ME3: variants seen among roughly 807,000 people sequenced by gnomAD.
ME3 encodes malic enzyme 3.
In ME3, 48 loss-of-function variants were observed where a neutral mutation model predicts 68.9. The ratio of observed to expected loss-of-function variants is 0.70; its 90% CI spans 0.55 to 0.89. The LOEUF is 0.89. Ranked by LOEUF, ME3 falls within the 40% of genes least tolerant of loss-of-function variation. ME3 has a pLI of 0.00. For missense variants in ME3, 675 were observed against 797.4 expected, an observed-to-expected ratio of 0.85 and a Z score of 1.85; for synonymous variants, 320 against 318.8, an observed-to-expected ratio of 1.00 and a Z score of -0.04.
chr11:86,453,405 GC>G (rs1329506534), intron 8 of ME3, among the ~76,000 whole-genome samples: 10 of 152,164 alleles, frequency 6.6e-5, no homozygotes, highest in African/African-American at 2.2e-4. Context: ...TTGTTTATTA[GC>G]TTCTTTACAC....
chr11:86,477,162 C>T (rs2138843373), intron 7 of ME3, among the ~76,000 whole-genome samples: 1 of 152,258 alleles, frequency 6.6e-6, no homozygotes, highest in Middle Eastern at 3.4e-3. Context: ...GAAACTGAGG[C>T]ACAGATGAAT....
chr11:86,648,447 C>G (rs1489975570), intron 2 of ME3, among the ~76,000 whole-genome samples: 1 of 151,184 alleles, frequency 6.6e-6, no homozygotes, highest in Non-Finnish European at 1.5e-5. Context: ...AATTCAAAAG[C>G]TAGCAGAAGA....
At chr11:86,546,483 A>G (rs1956365881) in intron 4 of ME3, among the ~76,000 whole-genome samples, 2 of 152,168 alleles carry the variant, frequency 1.3e-5, no homozygotes, top group South Asian at 4.1e-4. Context: ...TAAACAGACA[A>G]CCCCATCAAA....
intron 2 of ME3, among the ~76,000 whole-genome samples, chr11:86,646,115 T>C (rs545580825): frequency 1.2e-3 from 184 of 152,236 alleles, no homozygotes; most frequent in African/African-American, 4.2e-3. Context: ...GCAAAAAGGC[T>C]GAAAATGCCA....
At chr11:86,436,260 C>T (rs1167242304), downstream of ME3, 1 of 152,110 alleles carries the variant, frequency 6.6e-6, no homozygotes, top group Non-Finnish European at 1.5e-5. Flanking sequence ...TTTCTTATTA[C>T]TAATAATGTT....
chr11:86,441,207 T>G, exon 15 of ME3: 1 of 1,338,748 alleles, frequency 7.5e-7, no homozygotes, highest in Non-Finnish European at 9.8e-7. Flanking sequence ...ACTTGGGCCA[T>G]TTTGGAACCC....
chr11:86,537,246 C>T (rs1362581104), intron 4 of ME3, among the ~76,000 whole-genome samples: 3 of 151,396 alleles, frequency 2.0e-5, no homozygotes, highest in East Asian at 3.9e-4. Context: ...TGTAACTAAC[C>T]TGCACAATGT....
intron 2 of ME3, among the ~76,000 whole-genome samples, chr11:86,569,496 C>T (rs1957672961): frequency 6.6e-6 from 1 of 152,170 alleles, no homozygotes; most frequent in South Asian, 2.1e-4. Context: ...CAGTGTCACA[C>T]AGTTTAGCAC....
chr11:86,574,831 ACT>A (rs898903434), intron 2 of ME3, among the ~76,000 whole-genome samples: 33 of 152,094 alleles, frequency 2.2e-4, no homozygotes, highest in African/African-American at 7.7e-4. Context: ...AAGTCAAAAA[ACT>A]CTGTAAAACA....
intron 4 of ME3, among the ~76,000 whole-genome samples, chr11:86,522,648 G>GTGTT (rs1954411259): frequency 1.3e-5 from 2 of 152,034 alleles, no homozygotes; most frequent in South Asian, 4.2e-4. Context: ...TTCTGTTTCT[G>GTGTT]TGTTAGTTTG....
chr11:86,602,385 T>C (rs1311468047), intron 2 of ME3, among the ~76,000 whole-genome samples: 1 of 152,030 alleles, frequency 6.6e-6, no homozygotes, highest in Non-Finnish European at 1.5e-5. Context: ...TACTTATGAA[T>C]CCAACTTACA....
chr11:86,632,020 A>G (rs931602065), intron 2 of ME3, among the ~76,000 whole-genome samples: 1 of 152,240 alleles, frequency 6.6e-6, no homozygotes, highest in African/African-American at 2.4e-5. Flanking sequence ...GGTGTGAGCC[A>G]CCATGCCCAG....
chr11:86,464,267 A>C (rs563993995), intron 8 of ME3: 3 of 335,392 alleles, frequency 8.9e-6, no homozygotes, highest in South Asian at 4.8e-5. Flanking sequence ...AGCATCATCA[A>C]GGTTTCTCTC....
In ME3 at chr11:86,616,645, A is replaced by G. The variant is rs576702163; in HGVS notation, c.183+55117T>C. ...TTGAAAAACTCATAACTTCAGTCTA[A>G]TAATGAGGAAAACATCATATAAACC... On this transcript the variant is annotated intron_variant, in intron 2 of 14. Transcript: ENST00000543262. 1.2e-4 allele frequency among the ~76,000 whole-genome samples: 18 copies of G among 152,324 alleles called. No homozygotes were observed. The South Asian group carries it at 1.7e-3, about 14-fold the overall frequency.
chr11:86,648,294 T>A (rs1945165942), intron 2 of ME3, among the ~76,000 whole-genome samples: 1 of 152,116 alleles, frequency 6.6e-6, no homozygotes, highest in African/African-American at 2.4e-5. Context: ...AAAGAGACAA[T>A]GTACCACAAT....
chr11:86,672,030 C>T, intron 1 of ME3, 72 bp from the exon 2 acceptor site: 2 of 1,217,652 alleles, frequency 1.6e-6, no homozygotes, highest in South Asian at 2.2e-5. Context: ...TGCGGGGCAC[C>T]GGGCCTGATC....
At chr11:86,637,848 T>A (rs145943663) in intron 2 of ME3, among the ~76,000 whole-genome samples, 1 of 152,196 alleles carries the variant, frequency 6.6e-6, no homozygotes, top group East Asian at 1.9e-4. Context: ...CATCCTGAAC[T>A]CTGCACACAC....
chr11:86,530,271 C>T (rs1431188744), intron 4 of ME3, among the ~76,000 whole-genome samples: 1 of 152,030 alleles, frequency 6.6e-6, no homozygotes, highest in Admixed American at 6.6e-5. Context: ...GAATAAAATA[C>T]CTAGGAATCC....
intron 2 of ME3, among the ~76,000 whole-genome samples, chr11:86,602,873 G>A (rs1252967875): frequency 6.6e-5 from 10 of 152,146 alleles, no homozygotes; most frequent in Admixed American, 6.5e-4. Flanking sequence ...TTAATAAATG[G>A]TGCTGGGAAA....
Sources: allele counts gnomAD v4.1 joint callset (sites outside exome capture counted in the v4.1 genomes callset), GRCh38; gene constraint gnomAD v4.1.1; transcripts MANE v1.5; gene names NCBI Gene and HGNC (gene_info 2026-07-23, HGNC 2026-07-21).